The following TENM2 variants were observed in gnomAD, a reference collection of about 807,000 sequenced individuals.
TENM2 encodes the protein teneurin transmembrane protein 2.
TENM2 carries 52 observed loss-of-function variants against 245.2 expected under a neutral mutation model. That is an observed-to-expected ratio of 0.21 (90% confidence interval 0.17 to 0.27). TENM2 has a LOEUF of 0.27. Among genes scored for constraint, TENM2 ranks in the 10% least tolerant of loss-of-function variants. The pLI, the probability that TENM2 is intolerant of heterozygous loss-of-function variation, is 1.00. For missense variants in TENM2, 3,046 were observed against 3,666.8 expected (o/e 0.83, Z 4.37); for synonymous variants, 1,363 against 1,438.9 (o/e 0.95, Z 1.19).
At chr5:167,850,987 AG>A (rs1328051246) in intron 2 of TENM2, among the ~76,000 whole-genome samples, 1 of 152,206 alleles carries the variant, frequency 6.6e-6, no homozygotes, top group African/African-American at 2.4e-5. Flanking sequence ...TATCACTCTT[AG>A]GGTGCATGAA....
intron 2 of TENM2, among the ~76,000 whole-genome samples, chr5:167,707,799 T>C (rs1194449200): frequency 1.3e-5 from 2 of 152,206 alleles, no homozygotes; most frequent in Middle Eastern, 3.2e-3. Context: ...ATCTGAAATC[T>C]GTACTGTCTC....
the TENM2 span, among the ~76,000 whole-genome samples, chr5:167,274,036 C>T: frequency 1.4e-4 from 22 of 152,194 alleles, no homozygotes; most frequent in African/African-American, 4.8e-4. Flanking sequence ...CAACATCTTG[C>T]ACACTGTAGT....
chr5:167,117,211 A>G, the TENM2 span, among the ~76,000 whole-genome samples: 1 of 152,248 alleles, frequency 6.6e-6, no homozygotes, highest in African/African-American at 2.4e-5. Context: ...AGGGGTTAAG[A>G]AGCCTAAACA....
intron 7 of TENM2, among the ~76,000 whole-genome samples, chr5:168,081,528 A>T (rs1791995248): frequency 6.6e-6 from 1 of 152,190 alleles, no homozygotes; most frequent in African/African-American, 2.4e-5. Flanking sequence ...CCTAGCATCG[A>T]TGGTGTTTAC....
At chr5:167,160,573 G>C in the TENM2 span, among the ~76,000 whole-genome samples, 1 of 152,174 alleles carries the variant, frequency 6.6e-6, no homozygotes, top group South Asian at 2.1e-4. Context: ...AATTTGCTTC[G>C]CTGGATCTTA....
At chr5:167,670,245 G>T (rs553806009) in intron 2 of TENM2, among the ~76,000 whole-genome samples, 3 of 152,052 alleles carry the variant, frequency 2.0e-5, no homozygotes, top group African/African-American at 7.2e-5. Context: ...AAGAGGGAGC[G>T]CTTTGTGATC....
At chr5:167,519,622 A>G (rs1412888611) in intron 2 of TENM2, among the ~76,000 whole-genome samples, 1 of 152,174 alleles carries the variant, frequency 6.6e-6, no homozygotes, top group Non-Finnish European at 1.5e-5. Flanking sequence ...TAAGGGGCTC[A>G]GAGATCAGTG....
the TENM2 span, among the ~76,000 whole-genome samples, chr5:167,044,426 C>T: frequency 6.6e-6 from 1 of 152,254 alleles, no homozygotes; most frequent in East Asian, 1.9e-4. Flanking sequence ...TTACAGCATG[C>T]ATCTATGTGG....
intron 15 of TENM2, among the ~76,000 whole-genome samples, chr5:168,196,853 A>G (rs1179588463): frequency 6.6e-6 from 1 of 152,172 alleles, no homozygotes; most frequent in East Asian, 1.9e-4. Context: ...CTGATGTGCT[A>G]TTTTCCCTTT....
chr5:168,197,483 G>A (rs999974249), intron 15 of TENM2, among the ~76,000 whole-genome samples: 1 of 152,104 alleles, frequency 6.6e-6, no homozygotes, highest in African/African-American at 2.4e-5. Flanking sequence ...GGCGGATCAC[G>A]AAGTCAGGAG....
At chr5:167,655,014 G>C (rs1231376064) in intron 2 of TENM2, among the ~76,000 whole-genome samples, 1 of 152,074 alleles carries the variant, frequency 6.6e-6, no homozygotes, top group African/African-American at 2.4e-5. Flanking sequence ...AGTGCAATAG[G>C]TTATAAACAT....
the TENM2 span, among the ~76,000 whole-genome samples, chr5:167,029,005 C>T: frequency 6.1e-4 from 93 of 152,038 alleles, no homozygotes; most frequent in African/African-American, 2.0e-3. Context: ...TTTCTAATAC[C>T]GTTGAAGCTC....
chr5:168,217,466 G>A (rs1195480991), intron 22 of TENM2, among the ~76,000 whole-genome samples: 3 of 152,174 alleles, frequency 2.0e-5, no homozygotes, highest in South Asian at 2.1e-4. Context: ...TGGAATATAC[G>A]TTCAGCCTTT....
At chr5:168,063,559 T>G (rs999981371) in intron 7 of TENM2, among the ~76,000 whole-genome samples, 2 of 152,200 alleles carry the variant, frequency 1.3e-5, no homozygotes, top group African/African-American at 4.8e-5. Context: ...AAGCTGACTT[T>G]GAAATGTGTT....
At chr5:167,968,837 C>G (rs924508694) in intron 4 of TENM2, among the ~76,000 whole-genome samples, 1 of 152,158 alleles carries the variant, frequency 6.6e-6, no homozygotes, top group African/African-American at 2.4e-5. Flanking sequence ...CCCATCCCCA[C>G]TCTCACCAAT....
At chr5:167,243,113 C>T in the TENM2 span, among the ~76,000 whole-genome samples, 1 of 151,804 alleles carries the variant, frequency 6.6e-6, no homozygotes, top group Non-Finnish European at 1.5e-5. Flanking sequence ...AAATTCGCAT[C>T]TTACAGCTTC....
intron 2 of TENM2, among the ~76,000 whole-genome samples, chr5:167,868,311 G>C (rs893047195): frequency 2.0e-5 from 3 of 152,074 alleles, no homozygotes; most frequent in African/African-American, 7.2e-5. Context: ...TCTGACATTA[G>C]CACTAAATAT....
intron 3 of TENM2, among the ~76,000 whole-genome samples, chr5:167,915,705 A>G (rs1021704871): frequency 2.6e-5 from 4 of 152,248 alleles, no homozygotes; most frequent in Admixed American, 6.5e-5. Context: ...TTCAGCCTTC[A>G]TAGCATCCCT....
At chr5:166,999,795 A>G in the TENM2 span, among the ~76,000 whole-genome samples, 1 of 152,214 alleles carries the variant, frequency 6.6e-6, no homozygotes, top group Non-Finnish European at 1.5e-5. Flanking sequence ...AGTTAGATAT[A>G]TAAGCCTGAA....
Sources: gnomAD v4.1 joint callset for allele counts (sites outside exome capture counted in the v4.1 genomes callset) on GRCh38, gnomAD v4.1.1 for gene constraint, MANE v1.5 for transcripts, NCBI Gene and HGNC (gene_info 2026-07-23, HGNC 2026-07-21) for gene names.